The following APPBP2 variants were observed in gnomAD, a reference collection of about 807,000 sequenced individuals.
The protein encoded by APPBP2 is amyloid protein-binding protein 2.
A neutral mutation model predicts 76.0 loss-of-function variants in APPBP2; 15 were observed. The observed-to-expected ratio is 0.20, with a 90% CI of 0.13 to 0.30. The LOEUF (loss-of-function observed/expected upper bound fraction) is 0.30, where lower values mean the gene tolerates loss of function less well. Among genes scored for constraint, APPBP2 ranks in the 10% least tolerant of loss-of-function variants. The probability of loss-of-function intolerance (pLI) is 1.00; values close to 1 mark genes in which losing one functional copy is unlikely to be tolerated. For missense variants in APPBP2, 401 were observed against 687.2 expected (o/e 0.58, Z 4.66); for synonymous variants, 222 against 242.2 (o/e 0.92, Z 0.77).
intron 3 of APPBP2, among the ~76,000 whole-genome samples, chr17:60,489,066 CAA>C (rs1202754259): frequency 6.6e-6 from 1 of 151,510 alleles, no homozygotes; most frequent in African/African-American, 2.4e-5. Flanking sequence ...ACTAAAAATA[CAA>C]AAAATTAGCT....
intron 1 of APPBP2, among the ~76,000 whole-genome samples, chr17:60,520,331 G>A (rs1461039148): frequency 6.6e-6 from 1 of 152,048 alleles, no homozygotes; most frequent in Non-Finnish European, 1.5e-5. Flanking sequence ...CCAGCACTTC[G>A]GGAGGCCGAG....
At position 60,513,810 on chromosome 17, in the gene APPBP2, C is replaced by T. The variant is rs527848675; in HGVS notation, c.138+11984G>A. Among the ~76,000 whole-genome samples the T allele has an allele frequency of 4.0e-5, 6 of 151,070 alleles. No homozygotes were observed. In the South Asian group the frequency reaches 1.3e-3, roughly 32 times the overall value. ...CCTGGGAAGCAGAGGTTGCAGATGC[C>T]ACTGCAATCCAGCTTCGGCAAGAAG... On this transcript the variant is annotated intron_variant, in intron 1 of 12. Transcript: ENST00000083182.
intron 6 of APPBP2, 103 bp downstream of exon 6, chr17:60,463,918 G>T: frequency 1.4e-6 from 1 of 739,650 alleles, no homozygotes; most frequent in East Asian, 2.9e-5. Flanking sequence ...CTATGCCTAC[G>T]GAGTGTACAA....
chr17:60,493,177 A>T (rs2090744201), intron 3 of APPBP2, among the ~76,000 whole-genome samples: 1 of 152,160 alleles, frequency 6.6e-6, no homozygotes, highest in African/African-American at 2.4e-5. Context: ...GTCATGTGGA[A>T]CTATAAGTCC....
chr17:60,496,291 G>A (rs1411909057), intron 2 of APPBP2: 1 of 152,170 alleles, frequency 6.6e-6, no homozygotes, highest in Non-Finnish European at 1.5e-5. Flanking sequence ...TTTATAGTGT[G>A]TGAATCACAT....
At chr17:60,520,003 C>T (rs972639093) in intron 1 of APPBP2, among the ~76,000 whole-genome samples, 5 of 151,736 alleles carry the variant, frequency 3.3e-5, no homozygotes, top group Admixed American at 6.6e-5. Flanking sequence ...AGGCTGGTCT[C>T]GAACTCCTGG....
chr17:60,462,203 C>A (rs771549613), intron 6 of APPBP2, 142 bp from the exon 7 acceptor site: 221 of 673,620 alleles, frequency 3.3e-4, no homozygotes, highest in Admixed American at 3.9e-4. Context: ...TTTGTAATTT[C>A]TTTCCTTCCA....
intron 1 of APPBP2, among the ~76,000 whole-genome samples, chr17:60,502,025 C>A (rs928400254): frequency 7.2e-5 from 11 of 152,152 alleles, no homozygotes; most frequent in African/African-American, 2.7e-4. Context: ...AACATTAAAA[C>A]CTTCAGCAAG....
rs907376062 is a variant in APPBP2, at chr17:60,447,375, A to G, written c.*206T>C. 2.3e-6 allele frequency: 1 copy of G among 439,042 alleles called. No homozygotes were observed. The highest frequency in any genetic ancestry group is 4.0e-5 in the Admixed American group (1 of 25,108). 27.2% of individuals were successfully genotyped at this position (439,042 alleles called of 1,614,324 possible). On this transcript the variant is annotated 3_prime_UTR_variant, in exon 13 of 13. Transcript: ENST00000083182. ...TGAAAATGTGGGCCAGACTACTTACACATGCGGTACATGCTGAATATAACT... is the reference window on the plus strand; with the variant it reads ...TGAAAATGTGGGCCAGACTACTTACGCATGCGGTACATGCTGAATATAACT...
chr17:60,463,909 T>C, intron 6 of APPBP2, 112 bp downstream of exon 6: 1 of 645,232 alleles, frequency 1.5e-6, no homozygotes. Context: ...AAAACAGACC[T>C]ATGCCTACGG....
chr17:60,519,397 A>C (rs943212224), intron 1 of APPBP2, among the ~76,000 whole-genome samples: 4 of 152,120 alleles, frequency 2.6e-5, no homozygotes, highest in African/African-American at 9.7e-5. Flanking sequence ...GCTTGAGGCT[A>C]AGGTTCAAGA....
chr17:60,447,414 T>A lies in APPBP2; in HGVS notation c.*167A>T, dbSNP rs2090357468. On this transcript the variant is annotated 3_prime_UTR_variant, in exon 13 of 13. Transcript: ENST00000083182. Reference sequence around the variant, plus strand: ...CTGAATATAACTGAATATATGCTTATTCCTACAGACATTCTGCAAGATAGG... The same window carrying A: ...CTGAATATAACTGAATATATGCTTAATCCTACAGACATTCTGCAAGATAGG... 1.5e-6 allele frequency: 1 copy of A among 674,882 alleles called. No individual in the cohort carries two copies. Among genetic ancestry groups the A allele is most frequent in the Non-Finnish European group, 2.4e-6 (1 of 413,892 alleles). The allele number at this position is 674,882 out of a possible 1,614,324, so 41.8% of individuals were successfully genotyped here.
At chr17:60,464,299 T>G (rs1415487757) in intron 5 of APPBP2, among the ~76,000 whole-genome samples, 189 bp from the exon 6 acceptor site, 1 of 152,216 alleles carries the variant, frequency 6.6e-6, no homozygotes, top group Non-Finnish European at 1.5e-5. Flanking sequence ...ACTCTTAATA[T>G]CTATAGCTTA....
chr17:60,515,017 TG>T (rs2143492267), intron 1 of APPBP2, among the ~76,000 whole-genome samples: 2 of 150,892 alleles, frequency 1.3e-5, no homozygotes, highest in South Asian at 4.1e-4. Flanking sequence ...TTGTCCAGGC[TG>T]GTGTTGAATT....
At chr17:60,493,643 TC>T in intron 3 of APPBP2, among the ~76,000 whole-genome samples, 1 of 146,034 alleles carries the variant, frequency 6.8e-6, no homozygotes, top group African/African-American at 2.7e-5. Context: ...CTTTTTTTTT[TC>T]TTTTTTTTTT....
chr17:60,519,278 G>A (rs1377282733), intron 1 of APPBP2, among the ~76,000 whole-genome samples: 2 of 151,814 alleles, frequency 1.3e-5, no homozygotes, highest in African/African-American at 2.4e-5. Flanking sequence ...TTTTTATAGT[G>A]TTTGACATTT....
intron 5 of APPBP2, among the ~76,000 whole-genome samples, chr17:60,465,429 G>A (rs1053352843): frequency 1.3e-5 from 2 of 152,162 alleles, no homozygotes; most frequent in Non-Finnish European, 2.9e-5. Flanking sequence ...GTACTTTTCT[G>A]TAGATATCAG....
chr17:60,521,283 A>G (rs1056117836), intron 1 of APPBP2, among the ~76,000 whole-genome samples: 3 of 152,228 alleles, frequency 2.0e-5, no homozygotes, highest in Non-Finnish European at 2.9e-5. Context: ...CCTATTGCCT[A>G]GAGACATTGT....
chr17:60,505,688 T>G (rs974694350), intron 1 of APPBP2, among the ~76,000 whole-genome samples: 62 of 137,786 alleles, frequency 4.5e-4, no homozygotes, highest in African/African-American at 1.8e-3. Context: ...TTTTTTTTTT[T>G]TTTTTTTTTT....
Sources: gnomAD v4.1 joint callset for allele counts (sites outside exome capture counted in the v4.1 genomes callset) on GRCh38, gnomAD v4.1.1 for gene constraint, MANE v1.5 for transcripts, NCBI Gene and HGNC (gene_info 2026-07-23, HGNC 2026-07-21) for gene names.